The following HS6ST2 variants were observed in gnomAD, a reference collection of about 807,000 sequenced individuals.
HS6ST2 encodes the protein heparan-sulfate 6-O-sulfotransferase 2.
Under a neutral mutation model 33.0 loss-of-function variants are expected in HS6ST2, and 17 were observed. The observed-to-expected ratio is 0.52, with a 90% CI of 0.35 to 0.77. HS6ST2 has a LOEUF of 0.77. Ranked by LOEUF, HS6ST2 falls within the 30% of genes least tolerant of loss-of-function variation. The probability of loss-of-function intolerance (pLI) is 0.01; values close to 1 mark genes in which losing one functional copy is unlikely to be tolerated. For missense variants in HS6ST2, 519 were observed against 551.7 expected, an observed-to-expected ratio of 0.94 and a Z score of 0.59; for synonymous variants, 248 against 237.1, an observed-to-expected ratio of 1.05 and a Z score of -0.42.
At chrX:132,905,988 T>A (rs1020710968) in intron 2 of HS6ST2, among the ~76,000 whole-genome samples, 23 of 111,299 alleles carry the variant, frequency 2.1e-4, no homozygotes, top group African/African-American at 7.2e-4. Flanking sequence ...ATCATGCCAC[T>A]GCATTCCAGC....
At chrX:132,684,552 G>T (rs944864335) in intron 3 of HS6ST2, among the ~76,000 whole-genome samples, 1 of 110,116 alleles carries the variant, frequency 9.1e-6, no homozygotes, top group Non-Finnish European at 1.9e-5. Context: ...GAATTTGAAT[G>T]CAGGCCTTGG....
chrX:132,714,668 C>A (rs1254981849), intron 2 of HS6ST2, among the ~76,000 whole-genome samples: 1 of 110,994 alleles, frequency 9.0e-6, no homozygotes, highest in African/African-American at 3.3e-5. Context: ...AGGAACATTC[C>A]TATGAAGGAT....
chrX:132,895,756 T>C (rs990204369), intron 2 of HS6ST2, among the ~76,000 whole-genome samples: 6 of 110,604 alleles, frequency 5.4e-5, no homozygotes, highest in Non-Finnish European at 1.1e-4. Flanking sequence ...CTGGTATCAA[T>C]CATCACTTCT....
intron 2 of HS6ST2, among the ~76,000 whole-genome samples, chrX:132,821,502 G>A (rs1425164855): frequency 1.8e-5 from 2 of 109,874 alleles, no homozygotes; most frequent in Admixed American, 1.9e-4. Context: ...GTGAGCCACC[G>A]CACTTGGCCC....
At chrX:132,837,714 A>C (rs1468097736) in intron 2 of HS6ST2, among the ~76,000 whole-genome samples, 4 of 111,876 alleles carry the variant, frequency 3.6e-5, no homozygotes, top group Non-Finnish European at 7.5e-5. Flanking sequence ...CTCTCATTCA[A>C]ATTGTTCCGC....
At chrX:132,956,721 G>T in intron 2 of HS6ST2, 87 bp downstream of exon 2, 1 of 1,043,454 alleles carries the variant, frequency 9.6e-7, no homozygotes, top group Non-Finnish European at 1.2e-6. Flanking sequence ...CAGGGTGCGC[G>T]CTAGGTCCCC....
rs576683486 is a variant in HS6ST2, at chrX:132,705,660, C to T, written c.980+2802G>A. On this transcript the variant is annotated intron_variant, in intron 3 of 4. Transcript: ENST00000370833. ...ACAAGCCTATATACTGGCTACATTT[C>T]ACATATAAGAAAACTACCTGAAGCC... 4.5e-5 allele frequency among the ~76,000 whole-genome samples: 5 copies of T among 111,972 alleles called. No individual in the cohort carries two copies. The South Asian group carries it at 1.9e-3, about 42-fold the overall frequency.
rs1039101970 is a variant in HS6ST2 at position 132,626,934 on chromosome X, CT to C, written c.*1288del. The C allele has an allele frequency of 1.8e-5, 2 of 112,449 alleles. No individual in the cohort carries two copies. The highest frequency in any genetic ancestry group is 1.9e-4 in the Admixed American group (2 of 10,567). The allele number at this position is 112,449 out of a possible 1,213,427, so 9.3% of individuals were successfully genotyped here. A position where few individuals can be genotyped will look rare whatever the true frequency, so the allele number is the denominator to read the frequency against. The stretch of plus-strand genomic sequence containing the variant: ...TAACCTCACTACAGAACACTTTTTA[CT>C]TTTGCTCTTTTCAAAACAAAAACTT... On this transcript the variant is annotated 3_prime_UTR_variant, in exon 5 of 5. Transcript: ENST00000370833.
intron 2 of HS6ST2, among the ~76,000 whole-genome samples, chrX:132,916,306 G>A (rs2066590105): frequency 8.9e-6 from 1 of 112,098 alleles, no homozygotes; most frequent in South Asian, 3.7e-4. Context: ...TCTGTGACAT[G>A]AAACCATAGG....
At chrX:132,823,872 A>G (rs2065489242) in intron 2 of HS6ST2, among the ~76,000 whole-genome samples, 1 of 105,536 alleles carries the variant, frequency 9.5e-6, no homozygotes, top group African/African-American at 3.4e-5. Flanking sequence ...TAATAATAAT[A>G]ATAATAATAA....
At chrX:132,883,163 C>G (rs958807666) in intron 2 of HS6ST2, among the ~76,000 whole-genome samples, 3 of 111,289 alleles carry the variant, frequency 2.7e-5, no homozygotes, top group Non-Finnish European at 5.7e-5. Flanking sequence ...AGGGAGGATT[C>G]CCTCTTTTTC....
At chrX:132,937,548 T>G (rs1467819788) in intron 2 of HS6ST2, among the ~76,000 whole-genome samples, 2 of 111,559 alleles carry the variant, frequency 1.8e-5, no homozygotes, top group African/African-American at 3.3e-5. Context: ...ATCTGTGTAT[T>G]TACATCTAAC....
At chrX:132,853,946 CTGT>C (rs2065828105) in intron 2 of HS6ST2, among the ~76,000 whole-genome samples, 1 of 110,591 alleles carries the variant, frequency 9.0e-6, no homozygotes, top group Admixed American at 9.6e-5. Context: ...TTATCTGAGC[CTGT>C]GGAGGTGAAG....
chrX:132,638,906 G>T (rs1395990921), intron 4 of HS6ST2, among the ~76,000 whole-genome samples: 1 of 112,426 alleles, frequency 8.9e-6, no homozygotes, highest in East Asian at 2.8e-4. Context: ...CAAAGGACCA[G>T]TTCTGTGTAT....
chrX:132,832,502 C>T (rs2043582683), intron 2 of HS6ST2, among the ~76,000 whole-genome samples: 1 of 111,700 alleles, frequency 9.0e-6, no homozygotes, highest in African/African-American at 3.2e-5. Context: ...GCTACATTTT[C>T]ATCTAGTTTA....
At chrX:132,691,798 C>T (rs985439371) in intron 3 of HS6ST2, among the ~76,000 whole-genome samples, 1 of 111,931 alleles carries the variant, frequency 8.9e-6, no homozygotes, top group African/African-American at 3.3e-5. Context: ...TTTACCCTCA[C>T]TAGACAAATC....
chrX:132,920,914 A>C (rs2066645438), intron 2 of HS6ST2, among the ~76,000 whole-genome samples: 1 of 112,538 alleles, frequency 8.9e-6, no homozygotes, highest in Admixed American at 9.4e-5. Context: ...AAGGCAATCT[A>C]ACCACAGAAG....
At chrX:132,864,213 C>T (rs1460260948) in intron 2 of HS6ST2, among the ~76,000 whole-genome samples, 5 of 109,624 alleles carry the variant, frequency 4.6e-5, no homozygotes, top group African/African-American at 1.7e-4. Context: ...GATCACAACT[C>T]CTCGCGAGCA....
intron 2 of HS6ST2, among the ~76,000 whole-genome samples, chrX:132,730,344 T>C (rs999323899): frequency 8.9e-6 from 1 of 111,795 alleles, no homozygotes; most frequent in African/African-American, 3.3e-5. Flanking sequence ...ACATTTGGCC[T>C]GTAATGCTCC....
Sources: allele counts gnomAD v4.1 joint callset (sites outside exome capture counted in the v4.1 genomes callset), GRCh38; gene constraint gnomAD v4.1.1; transcripts MANE v1.5; gene names NCBI Gene and HGNC (gene_info 2026-07-23, HGNC 2026-07-21).